Variants in ELP2 observed in about 807,000 individuals in gnomAD.
ELP2 encodes elongator complex protein 2.
A neutral mutation model predicts 119.2 loss-of-function variants in ELP2; 90 were observed. The ratio of observed to expected loss-of-function variants is 0.75; its 90% CI spans 0.64 to 0.90. The LOEUF (loss-of-function observed/expected upper bound fraction) is 0.90, where lower values mean the gene tolerates loss of function less well. Ranked by LOEUF, ELP2 falls within the 40% of genes least tolerant of loss-of-function variation. The pLI is 0.00. For missense variants in ELP2, 921 were observed against 967.8 expected, an observed-to-expected ratio of 0.95 and a Z score of 0.64; for synonymous variants, 339 against 331.0, an observed-to-expected ratio of 1.02 and a Z score of -0.26.
intron 8 of ELP2, among the ~76,000 whole-genome samples, chr18:36,144,458 C>T (rs1484101738): frequency 1.3e-5 from 2 of 152,140 alleles, no homozygotes; most frequent in Non-Finnish European, 2.9e-5. Flanking sequence ...GAAGCAGACA[C>T]CTTCTTCACA....
chr18:36,149,780 T>A (rs1382796385), intron 11 of ELP2, among the ~76,000 whole-genome samples: 1 of 151,990 alleles, frequency 6.6e-6, no homozygotes, highest in Admixed American at 6.6e-5. Context: ...TGAGTGTGAG[T>A]ACACACTCAT....
chr18:36,146,452 T>C, intron 11 of ELP2, 71 bp downstream of exon 11: 1 of 1,534,062 alleles, frequency 6.5e-7, no homozygotes, highest in South Asian at 1.1e-5. Flanking sequence ...AGTATTTTGC[T>C]TATAACACTC....
At chr18:36,142,137 A>G in intron 6 of ELP2, 144 bp from the exon 7 acceptor site, 1 of 724,318 alleles carries the variant, frequency 1.4e-6, no homozygotes, top group Non-Finnish European at 2.5e-6. Flanking sequence ...TTTCATTCCC[A>G]AAGGAATGCT....
chr18:36,174,439 C>T, intron 21 of ELP2, 46 bp from the exon 22 acceptor site: 1 of 1,580,898 alleles, frequency 6.3e-7, no homozygotes, highest in Non-Finnish European at 8.7e-7. Context: ...CATGTTTACA[C>T]CATTAATTGG....
chr18:36,158,812 A>G (rs755359117), intron 13 of ELP2, 23 bp from the exon 14 acceptor site: 2 of 1,483,950 alleles, frequency 1.3e-6, no homozygotes, highest in Non-Finnish European at 1.9e-6. Flanking sequence ...TTTATAACTT[A>G]GATATTATAT....
intron 12 of ELP2, among the ~76,000 whole-genome samples, 161 bp downstream of exon 12, chr18:36,155,160 C>T (rs1370715487): frequency 2.0e-5 from 3 of 151,462 alleles, no homozygotes; most frequent in African/African-American, 4.9e-5. Flanking sequence ...TTATAGGTGC[C>T]CACCACCACA....
Position 36,176,929 on chromosome 18 carries a change from G to C in ELP2, c.*2288G>C, listed in dbSNP as rs2144859923. On this transcript the variant is annotated 3_prime_UTR_variant, in exon 22 of 22. Transcript: ENST00000358232. ...AATTAAAATGACATCACCAACAATG[G>C]GCCCTTTCCTGTCTGCCAGGAAAAG... 1 of 152,194 alleles carries C rather than the reference G, an allele frequency of 6.6e-6. No homozygotes were observed. Among genetic ancestry groups the C allele is most frequent in the South Asian group, 2.1e-4 (1 of 4,806 alleles). The allele number at this position is 152,194 out of a possible 1,614,324, so 9.4% of individuals were successfully genotyped here. A position where few individuals can be genotyped will look rare whatever the true frequency, so the allele number is the denominator to read the frequency against.
rs1039856689 is a variant in ELP2, at chr18:36,178,137, G to C, written c.*3496G>C. ...CCTCCTTCCTGTTTCTCCCTCCTCGGCACCCACTTCTAGGATTAACAGGCA... is the reference window on the plus strand; with the variant it reads ...CCTCCTTCCTGTTTCTCCCTCCTCGCCACCCACTTCTAGGATTAACAGGCA... On this transcript the variant is annotated 3_prime_UTR_variant, in exon 22 of 22. Transcript: ENST00000358232. 6.6e-6 allele frequency: 1 copy of C among 152,208 alleles called. No homozygotes were observed. Among genetic ancestry groups the C allele is most frequent in the African/African-American group, 2.4e-5 (1 of 41,436 alleles). 9.4% of individuals were successfully genotyped at this position (152,208 alleles called of 1,614,324 possible).
intron 13 of ELP2, among the ~76,000 whole-genome samples, chr18:36,157,556 C>T (rs1304991368): frequency 6.6e-6 from 1 of 152,056 alleles, no homozygotes; most frequent in African/African-American, 2.4e-5. Flanking sequence ...GTTGGAGGCT[C>T]CTACACAAAG....
chr18:36,170,124 GCTC>G lies in ELP2; in HGVS notation c.2142_2144del (p.Ser715del), dbSNP rs1196043992. 1.2e-6 allele frequency: 2 copies of G among 1,614,086 alleles called. No individual in the cohort carries two copies. The highest frequency in any genetic ancestry group is 2.2e-5 in the South Asian group (2 of 91,078). Reference sequence around the variant, plus strand: ...TGTATTGAGCACAACATTGGCCCCTGCTCCTCAGTCCTGGACGTGGGTGGGGCT... The same window carrying G: ...TGTATTGAGCACAACATTGGCCCCTGCTCAGTCCTGGACGTGGGTGGGGCT... On this transcript the variant is annotated inframe_deletion, in exon 20 of 22. Transcript: ENST00000358232.
intron 2 of ELP2, among the ~76,000 whole-genome samples, chr18:36,134,931 T>A (rs1271039315): frequency 2.6e-5 from 4 of 152,242 alleles, no homozygotes; most frequent in Non-Finnish European, 5.9e-5. Context: ...ATTTTCTGAA[T>A]TATTAAGACT....
chr18:36,142,429 T>A, intron 7 of ELP2, 82 bp downstream of exon 7: 1 of 1,170,606 alleles, frequency 8.5e-7, no homozygotes, highest in East Asian at 2.3e-5. Flanking sequence ...TTTGTTTTAA[T>A]TTTTAAGTTT....
intron 16 of ELP2, 73 bp from the exon 17 acceptor site, chr18:36,160,859 T>C (rs563845204): frequency 2.0e-6 from 2 of 1,007,190 alleles, no homozygotes; most frequent in African/African-American, 1.6e-5. Context: ...GTTATTCTTT[T>C]TACTTTCAAA....
chr18:36,153,989 CTT>C (rs1483472456), intron 11 of ELP2, among the ~76,000 whole-genome samples: 2 of 150,564 alleles, frequency 1.3e-5, no homozygotes, highest in African/African-American at 4.9e-5. Flanking sequence ...TTGCTCAAAA[CTT>C]TTTGTAAACT....
Position 36,130,038 on chromosome 18 carries a change from C to G in ELP2, c.105C>G (p.Gly35=). 1 of 1,614,174 alleles carries G rather than the reference C, an allele frequency of 6.2e-7. No homozygotes were observed. Residue 35 remains glycine (G), a synonymous_variant, in exon 1 of 22, where the codon GGC becomes GGG. Transcript: ENST00000358232. ...SSGPRGLLAF[G]TSCSVVLYDP... ...GGCCCAGAGGACTTCTGGCCTTTGG[C>G]ACGTCCTGCTCCGTGGTGCTCTATG...
chr18:36,154,267 T>C (rs1373908515), intron 11 of ELP2, among the ~76,000 whole-genome samples: 1 of 152,178 alleles, frequency 6.6e-6, no homozygotes, highest in Non-Finnish European at 1.5e-5. Context: ...TTGTCATTAT[T>C]TGTTTATATG....
In ELP2 at chr18:36,144,863, C is replaced by G. The variant is rs1046358017; in HGVS notation, c.797-76C>G. 5.7e-6 allele frequency: 7 copies of G among 1,230,066 alleles called. No individual in the cohort carries two copies. The African/African-American group carries it at 8.9e-5, about 16-fold the overall frequency. 76.2% of individuals were successfully genotyped at this position (1,230,066 alleles called of 1,614,324 possible). On this transcript the variant is annotated intron_variant, in intron 8 of 21. Transcript: ENST00000358232. ...TAATTTTTTTTTCTTACATAATTGCCCAACTGTCTTGGTTATGGAAATATT... is the reference window on the plus strand; with the variant it reads ...TAATTTTTTTTTCTTACATAATTGCGCAACTGTCTTGGTTATGGAAATATT...
At chr18:36,171,274 T>TCTACCA (rs2091074415) in intron 21 of ELP2, 114 bp downstream of exon 21, 2 of 738,244 alleles carry the variant, frequency 2.7e-6, no homozygotes, top group East Asian at 5.4e-5. Context: ...ATTCGTCGTG[T>TCTACCA]CTACCACTTT....
At chr18:36,135,118 G>T (rs1238801097) in intron 2 of ELP2, among the ~76,000 whole-genome samples, 1 of 152,120 alleles carries the variant, frequency 6.6e-6, no homozygotes. Context: ...TAACATCAAA[G>T]ACTGACTTTC....
Sources: gnomAD v4.1 joint callset for allele counts (sites outside exome capture counted in the v4.1 genomes callset) on GRCh38, gnomAD v4.1.1 for gene constraint, MANE v1.5 for transcripts, NCBI Gene and HGNC (gene_info 2026-07-23, HGNC 2026-07-21) for gene names.